Variants in MKLN1 observed in about 807,000 individuals in gnomAD.
MKLN1 encodes the protein muskelin 1, also known as muskelin.
MKLN1 carries 18 observed loss-of-function variants against 99.0 expected under a neutral mutation model. That is an observed-to-expected ratio of 0.18 (90% confidence interval 0.13 to 0.27). The LOEUF (loss-of-function observed/expected upper bound fraction) is 0.27. Among genes scored for constraint, MKLN1 ranks in the 10% least tolerant of loss-of-function variants. MKLN1 has a pLI of 1.00. For synonymous variants in MKLN1, 288 were observed against 293.2 expected, an observed-to-expected ratio of 0.98 and a Z score of 0.18; for missense variants, 621 against 875.9, an observed-to-expected ratio of 0.71 and a Z score of 3.67.
At chr7:131,217,247 A>G (rs1796995996) in intron 3 of MKLN1, among the ~76,000 whole-genome samples, 1 of 152,262 alleles carries the variant, frequency 6.6e-6, no homozygotes, top group Non-Finnish European at 1.5e-5. Flanking sequence ...AAGAAGTATA[A>G]AAATAAATTA....
intron 1 of MKLN1, among the ~76,000 whole-genome samples, chr7:131,118,696 G>A (rs957213061): frequency 3.3e-5 from 5 of 152,272 alleles, no homozygotes; most frequent in Admixed American, 6.5e-5. Flanking sequence ...CAATCATGGC[G>A]AAAGGTGAAG....
chr7:131,113,792 C>G (rs537768310), intron 1 of MKLN1, among the ~76,000 whole-genome samples: 20 of 152,274 alleles, frequency 1.3e-4, no homozygotes, highest in African/African-American at 4.6e-4. Context: ...CCACTGTGCT[C>G]CGGCCTGGGG....
intron 3 of MKLN1, among the ~76,000 whole-genome samples, chr7:131,290,578 C>T (rs1798202241): frequency 6.6e-6 from 1 of 152,178 alleles, no homozygotes; most frequent in Non-Finnish European, 1.5e-5. Flanking sequence ...AACTTGGAAT[C>T]TATTTTGAAG....
intron 3 of MKLN1, among the ~76,000 whole-genome samples, chr7:131,278,801 C>T (rs1460690085): frequency 6.6e-6 from 1 of 151,546 alleles, no homozygotes; most frequent in Admixed American, 6.6e-5. Flanking sequence ...GGTCTTACTA[C>T]GTTGCCCAGG....
At chr7:131,450,582 CTCT>C (rs1447729188) in intron 12 of MKLN1, among the ~76,000 whole-genome samples, 1 of 152,080 alleles carries the variant, frequency 6.6e-6, no homozygotes, top group Non-Finnish European at 1.5e-5. Context: ...GGTGTCTGTA[CTCT>C]TCTTGCCACC....
chr7:131,334,682 A>G (rs1799198892), intron 1 of MKLN1, among the ~76,000 whole-genome samples: 1 of 152,224 alleles, frequency 6.6e-6, no homozygotes, highest in Non-Finnish European at 1.5e-5. Flanking sequence ...TTGGCCTGAT[A>G]CAAAGACTTT....
At chr7:131,276,158 G>A (rs956469477) in intron 3 of MKLN1, among the ~76,000 whole-genome samples, 4 of 152,210 alleles carry the variant, frequency 2.6e-5, no homozygotes, top group Non-Finnish European at 5.9e-5. Flanking sequence ...AACCACAGAA[G>A]CATTTCCTCC....
At chr7:131,486,095 CAGAGAGAG>C (rs141739452) in intron 17 of MKLN1, among the ~76,000 whole-genome samples, 2 of 147,644 alleles carry the variant, frequency 1.4e-5, no homozygotes, top group African/African-American at 2.5e-5. Context: ...TGGAGAGAGA[CAGAGAGAG>C]AGAGAGAGAG....
intron 3 of MKLN1, among the ~76,000 whole-genome samples, chr7:131,236,502 A>C (rs1483628109): frequency 1.3e-5 from 2 of 152,134 alleles, no homozygotes; most frequent in East Asian, 1.9e-4. Context: ...CTCTACTAAA[A>C]ATACAAAAAT....
chr7:131,275,365 GTTTTTTTTTTT>G (rs909251138), intron 3 of MKLN1, among the ~76,000 whole-genome samples: 1 of 105,204 alleles, frequency 9.5e-6, no homozygotes, highest in Admixed American at 9.7e-5. Context: ...GTTGTTGTTG[GTTTTTTTTTTT>G]TTTTTTTTTT....
intron 3 of MKLN1, among the ~76,000 whole-genome samples, chr7:131,261,923 T>C (rs1454121875): frequency 6.6e-6 from 1 of 152,122 alleles, no homozygotes; most frequent in Non-Finnish European, 1.5e-5. Flanking sequence ...TACCACATGT[T>C]CTCACTTATA....
At chr7:131,478,513 G>A (rs2116674749) in intron 16 of MKLN1, 110 bp from the exon 17 acceptor site, 6 of 1,118,786 alleles carry the variant, frequency 5.4e-6, no homozygotes, top group Non-Finnish European at 7.2e-6. Flanking sequence ...CACATATGCA[G>A]AAATACGTAG....
chr7:131,310,677 G>C (rs1798549055), intron 3 of MKLN1: 1 of 152,168 alleles, frequency 6.6e-6, no homozygotes, highest in Non-Finnish European at 1.5e-5. Context: ...TGCCTCTATA[G>C]AGTCAACCTC....
intron 1 of MKLN1, among the ~76,000 whole-genome samples, chr7:131,332,648 A>T (rs1023098332): frequency 7.2e-5 from 11 of 151,726 alleles, no homozygotes; most frequent in Non-Finnish European, 1.6e-4. Context: ...TTTACTGTAG[A>T]TGTATGTATT....
chr7:131,149,595 C>A (rs1465690656), intron 2 of MKLN1, among the ~76,000 whole-genome samples: 1 of 152,178 alleles, frequency 6.6e-6, no homozygotes, highest in Non-Finnish European at 1.5e-5. Context: ...TTTTCTCACA[C>A]ATATTCCATT....
intron 12 of MKLN1, among the ~76,000 whole-genome samples, chr7:131,452,776 C>T (rs933226583): frequency 1.3e-5 from 2 of 152,052 alleles, no homozygotes; most frequent in African/African-American, 4.8e-5. Context: ...GTCTTGATCT[C>T]TTGACCTTGT....
At chr7:131,317,765 C>CAAAAAAAAAAAAAAAA in intron 3 of MKLN1, among the ~76,000 whole-genome samples, 1 of 49,982 alleles carries the variant, frequency 2.0e-5, no homozygotes, top group Non-Finnish European at 4.1e-5. Flanking sequence ...AAATGGAAAG[C>CAAAAAAAAAAAAAAAA]AAAAAAAAAA....
intron 2 of MKLN1, among the ~76,000 whole-genome samples, chr7:131,148,371 A>T (rs544227827): frequency 6.6e-6 from 1 of 152,366 alleles, no homozygotes; most frequent in Admixed American, 6.5e-5. Context: ...GAAACAAGTT[A>T]AATTCAATAC....
At chr7:131,253,979 A>G (rs2116521287) in intron 3 of MKLN1, among the ~76,000 whole-genome samples, 1 of 152,326 alleles carries the variant, frequency 6.6e-6, no homozygotes, top group East Asian at 1.9e-4. Context: ...CCCAGCAAAG[A>G]TGCTTAAATT....
Sources: allele counts gnomAD v4.1 joint callset (sites outside exome capture counted in the v4.1 genomes callset), GRCh38; gene constraint gnomAD v4.1.1; transcripts MANE v1.5; gene names NCBI Gene and HGNC (gene_info 2026-07-23, HGNC 2026-07-21).